Variants in SIK3 observed in about 807,000 individuals in gnomAD.
SIK3 encodes serine/threonine-protein kinase SIK3.
Under a neutral mutation model 144.2 loss-of-function variants are expected in SIK3, and 28 were observed. The ratio of observed to expected loss-of-function variants is 0.19; its 90% CI spans 0.14 to 0.27. The LOEUF is 0.27. Ranked by LOEUF, SIK3 falls within the 10% of genes least tolerant of loss-of-function variation. The pLI is 1.00. For missense variants in SIK3, 1,319 were observed against 1,776.0 expected (o/e 0.74, Z 4.62); for synonymous variants, 686 against 676.3 (o/e 1.01, Z -0.22).
rs1387360864 is a variant in SIK3 at position 117,027,427 on chromosome 11, CTTT to C, written c.274-70366_274-70364del. 6.7e-5 allele frequency among the ~76,000 whole-genome samples: 6 copies of C among 89,330 alleles called. No homozygotes were observed. In the East Asian group the frequency reaches 9.4e-4, roughly 14 times the overall value. The allele number at this position is 89,330 out of a possible 152,430, so 58.6% of individuals were successfully genotyped here. Reference sequence around the variant, plus strand: ...AACAACTTTCAGGGAAGGCTGTTTTCTTTTTTTTTCTTTTTTTTATATCTGTTT... The same window carrying C: ...AACAACTTTCAGGGAAGGCTGTTTTCTTTTTTCTTTTTTTTATATCTGTTT... On this transcript the variant is annotated intron_variant, in intron 1 of 24. Transcript: ENST00000445177.
chr11:116,968,704 A>G (rs78672214), intron 1 of SIK3, among the ~76,000 whole-genome samples: 3,744 of 152,340 alleles, frequency 0.025, 85 homozygotes, highest in South Asian at 0.11. Context: ...AATTTGCATT[A>G]GAGTACAAGT....
intron 1 of SIK3, among the ~76,000 whole-genome samples, chr11:117,005,706 A>C (rs1328246340): frequency 6.6e-6 from 1 of 152,238 alleles, no homozygotes; most frequent in Non-Finnish European, 1.5e-5. Context: ...TTCTATTACT[A>C]TCTTTTGCTG....
intron 1 of SIK3, among the ~76,000 whole-genome samples, chr11:117,063,424 A>G (rs549821978): frequency 8.5e-5 from 13 of 152,256 alleles, no homozygotes; most frequent in Admixed American, 2.6e-4. Context: ...CCTCTGCCCA[A>G]TGTAAAGTCA....
chr11:117,079,995 C>G (rs185984245), intron 1 of SIK3, among the ~76,000 whole-genome samples: 155 of 152,146 alleles, frequency 1.0e-3, no homozygotes, highest in African/African-American at 3.2e-3. Flanking sequence ...GATTGCACCA[C>G]TGTACTCCAG....
chr11:116,951,198 C>A (rs1326693192), intron 3 of SIK3, among the ~76,000 whole-genome samples: 1 of 152,184 alleles, frequency 6.6e-6, no homozygotes, highest in African/African-American at 2.4e-5. Flanking sequence ...TGACAGAGAT[C>A]TGATTCAAAC....
At chr11:117,048,809 T>C (rs1034310116) in intron 1 of SIK3, among the ~76,000 whole-genome samples, 8 of 152,000 alleles carry the variant, frequency 5.3e-5, no homozygotes, top group Admixed American at 2.0e-4. Flanking sequence ...TCCTTTAAAA[T>C]ACTTCATGAC....
intron 3 of SIK3, among the ~76,000 whole-genome samples, chr11:116,935,203 A>G (rs911142495): frequency 6.6e-6 from 1 of 151,044 alleles, no homozygotes; most frequent in Non-Finnish European, 1.5e-5. Flanking sequence ...AGCTATGAGC[A>G]TGCCACTGCA....
intron 3 of SIK3, among the ~76,000 whole-genome samples, chr11:116,929,540 C>T (rs1947479266): frequency 6.6e-6 from 1 of 152,188 alleles, no homozygotes; most frequent in Non-Finnish European, 1.5e-5. Context: ...GGAAAGTTCT[C>T]AAAACTGTTA....
chr11:116,953,481 C>A (rs540497619), intron 3 of SIK3, among the ~76,000 whole-genome samples: 33 of 152,284 alleles, frequency 2.2e-4, no homozygotes, highest in South Asian at 8.3e-4. Flanking sequence ...GTAACAAAGT[C>A]TCTTGCTTAT....
chr11:117,069,274 C>A (rs1343290017), intron 1 of SIK3, among the ~76,000 whole-genome samples: 1 of 151,714 alleles, frequency 6.6e-6, no homozygotes, highest in Non-Finnish European at 1.5e-5. Flanking sequence ...CCTCTTGTAC[C>A]CATCAGCCAG....
intron 3 of SIK3, among the ~76,000 whole-genome samples, chr11:116,937,512 G>C (rs1281903220): frequency 1.3e-5 from 2 of 152,298 alleles, no homozygotes; most frequent in Admixed American, 1.3e-4. Flanking sequence ...TATTCTGCTA[G>C]AGCAGCCCAA....
intron 3 of SIK3, among the ~76,000 whole-genome samples, chr11:116,952,847 C>G (rs1312440871): frequency 6.6e-6 from 1 of 152,176 alleles, no homozygotes; most frequent in African/African-American, 2.4e-5. Context: ...CCTACTATAC[C>G]TTCTTGACAA....
intron 1 of SIK3, among the ~76,000 whole-genome samples, chr11:117,076,174 C>T (rs7484045): frequency 0.39 from 59,618 of 151,742 alleles, 14,857 homozygotes; most frequent in African/African-American, 0.72. Flanking sequence ...TAAAACTTAC[C>T]GTTGCAGGGT....
intron 1 of SIK3, among the ~76,000 whole-genome samples, chr11:116,965,619 G>A (rs1287307479): frequency 6.6e-6 from 1 of 150,782 alleles, no homozygotes; most frequent in African/African-American, 2.4e-5. Context: ...AAGAGGCCAG[G>A]TGCAGGGCTC....
rs35698580 is a variant in SIK3, at chr11:116,982,943, CAA to C, written c.274-25881_274-25880del. ...TGGGTGACGGTACGAGACTCCGTCTCAAAAAAAAAAAAAAAAAAAAAAAAAAT... is the reference window on the plus strand; with the variant it reads ...TGGGTGACGGTACGAGACTCCGTCTCAAAAAAAAAAAAAAAAAAAAAAAAT... On this transcript the variant is annotated intron_variant, in intron 1 of 24. Transcript: ENST00000445177. Among the ~76,000 whole-genome samples, 502 of 69,802 alleles carry C rather than the reference CAA, an allele frequency of 7.2e-3. 2 individuals carry two copies. The highest frequency in any genetic ancestry group is 0.026 in the African/African-American group (458 of 17,628). The allele number at this position is 69,802 out of a possible 152,430, so 45.8% of individuals were successfully genotyped here. A position where few individuals can be genotyped will look rare whatever the true frequency, so the allele number is the denominator to read the frequency against.
chr11:117,013,967 C>CCTTTTTTTTTTTTTTT (rs756680301), intron 1 of SIK3, among the ~76,000 whole-genome samples: 1 of 7,374 alleles, frequency 1.4e-4, no homozygotes, highest in Non-Finnish European at 3.3e-4. Flanking sequence ...TTCTTTTTTT[C>CCTTTTTTTTTTTTTTT]TTTTCTTTTT....
chr11:116,976,535 A>G (rs148018665), intron 1 of SIK3, among the ~76,000 whole-genome samples: 3 of 152,366 alleles, frequency 2.0e-5, no homozygotes, highest in East Asian at 3.9e-4. Flanking sequence ...TCAAATGACC[A>G]TAAGTGTAAG....
At chr11:117,016,709 T>C (rs7120245) in intron 1 of SIK3, among the ~76,000 whole-genome samples, 7,085 of 152,298 alleles carry the variant, frequency 0.047, 553 homozygotes, top group African/African-American at 0.16. Flanking sequence ...AGTTAGGTTA[T>C]GGTAATCACT....
intron 3 of SIK3, among the ~76,000 whole-genome samples, chr11:116,932,564 C>CT (rs1395236217): frequency 6.6e-6 from 1 of 152,096 alleles, no homozygotes; most frequent in African/African-American, 2.4e-5. Flanking sequence ...GTAAACGGAT[C>CT]TTGCCTTTCC....
Sources: allele counts gnomAD v4.1 joint callset (sites outside exome capture counted in the v4.1 genomes callset), GRCh38; gene constraint gnomAD v4.1.1; transcripts MANE v1.5; gene names NCBI Gene and HGNC (gene_info 2026-07-23, HGNC 2026-07-21).